Variants in CELF4 observed in about 807,000 individuals in gnomAD.
The protein encoded by CELF4 is CUGBP Elav-like family member 4.
Under a neutral mutation model 59.9 loss-of-function variants are expected in CELF4, and 18 were observed. The ratio of observed to expected loss-of-function variants is 0.30; its 90% CI spans 0.21 to 0.45. CELF4 has a LOEUF of 0.45. CELF4 is among the 20% of genes least tolerant of loss of function. CELF4 has a pLI of 1.00. For synonymous variants in CELF4, 261 were observed against 267.1 expected (o/e 0.98, Z 0.22); for missense variants, 456 against 689.0 (o/e 0.66, Z 3.79).
intron 10 of CELF4, 103 bp downstream of exon 10, chr18:37,264,571 T>C: frequency 3.3e-6 from 3 of 916,886 alleles, no homozygotes; most frequent in Non-Finnish European, 5.1e-6. Context: ...CACACAAACG[T>C]GGTCACCTTT....
At chr18:37,261,633 A>C (rs759032394) in intron 10 of CELF4, among the ~76,000 whole-genome samples, 1 of 152,180 alleles carries the variant, frequency 6.6e-6, no homozygotes, top group Non-Finnish European at 1.5e-5. Flanking sequence ...GACTTTAGAG[A>C]CCAATGTGGT....
At chr18:37,433,995 A>G (rs1043804378) in intron 2 of CELF4, among the ~76,000 whole-genome samples, 9 of 152,200 alleles carry the variant, frequency 5.9e-5, no homozygotes, top group Admixed American at 3.3e-4. Flanking sequence ...GTTTTTAAAC[A>G]GAGAAATCTT....
At position 37,502,983 on chromosome 18, in the gene CELF4, G is replaced by A. The variant is rs551902087; in HGVS notation, c.287-17376C>T. On this transcript the variant is annotated intron_variant, in intron 1 of 12. Coordinates refer to ENST00000420428, the MANE Select transcript of CELF4 (RefSeq NM_020180.4). ...GAAGGATGGGCACTAGAGGGACAGAGCCTCACAGTACCAGGTCGGGTGGGT... is the reference window on the plus strand; with the variant it reads ...GAAGGATGGGCACTAGAGGGACAGAACCTCACAGTACCAGGTCGGGTGGGT... Among the ~76,000 whole-genome samples the A allele has an allele frequency of 2.0e-5, 3 of 152,362 alleles. No homozygotes were observed. In the East Asian group the frequency reaches 5.8e-4, roughly 29 times the overall value.
At chr18:37,257,227 A>C (rs2070374142) in intron 11 of CELF4, among the ~76,000 whole-genome samples, 1 of 152,204 alleles carries the variant, frequency 6.6e-6, no homozygotes, top group Non-Finnish European at 1.5e-5. Flanking sequence ...AAGCCCAGCT[A>C]TGGCTGGAGA....
intron 1 of CELF4, among the ~76,000 whole-genome samples, chr18:37,521,223 C>T (rs2099957039): frequency 6.6e-6 from 1 of 152,274 alleles, no homozygotes; most frequent in Non-Finnish European, 1.5e-5. Context: ...CACTGCTGAT[C>T]TCTGAGGTCC....
intron 2 of CELF4, among the ~76,000 whole-genome samples, chr18:37,417,552 A>T (rs1001511252): frequency 1.8e-4 from 27 of 152,220 alleles, no homozygotes; most frequent in African/African-American, 6.5e-4. Context: ...TCCCTTTGGA[A>T]GCCCGTAGGG....
At position 37,307,592 on chromosome 18, in the gene CELF4, C is replaced by T. The variant is rs566923701; in HGVS notation, c.448+14211G>A. ...CATCGGCCCCACTGCCCACCCCATG[C>T]CTGTGGGCTGGGGGGTGGGGAGACG... On this transcript the variant is annotated intron_variant, in intron 3 of 12. Transcript: ENST00000420428. Among the ~76,000 whole-genome samples, 201 of 152,020 alleles carry T rather than the reference C, an allele frequency of 1.3e-3. No individual in the cohort carries two copies. In the Middle Eastern group the frequency reaches 0.014, roughly 10 times the overall value.
intron 3 of CELF4, among the ~76,000 whole-genome samples, chr18:37,278,844 C>T (rs1010784084): frequency 6.6e-6 from 1 of 152,202 alleles, no homozygotes; most frequent in African/African-American, 2.4e-5. Flanking sequence ...CTGTGGCTGG[C>T]CAGCTGAGAT....
At chr18:37,316,048 C>T (rs539379911) in intron 3 of CELF4, among the ~76,000 whole-genome samples, 9 of 152,300 alleles carry the variant, frequency 5.9e-5, no homozygotes, top group African/African-American at 2.2e-4. Context: ...GTGGTCAGGG[C>T]TGCAGGGCAG....
At position 37,565,499 on chromosome 18, in the gene CELF4, A is replaced by T; in HGVS notation, c.143T>A (p.Met48Lys). The T allele has an allele frequency of 6.2e-7, 1 of 1,614,050 alleles. No individual in the cohort carries two copies. The highest frequency in any genetic ancestry group is 8.5e-7 in the Non-Finnish European group (1 of 1,180,030). The change falls in exon 1 of 13, where the codon ATG (methionine) becomes AAG (lysine). Residue 48 changes from methionine (M) to lysine (K), a missense_variant. By Grantham distance (95) the Met-to-Lys change is moderately conservative (BLOSUM62 -1). Around this residue, in one of 7 missense-constraint regions of CELF4, gnomAD observed 70 missense variants for 69.5 expected, o/e 1.01. Coordinates refer to ENST00000420428, the MANE Select transcript of CELF4 (RefSeq NM_020180.4). Reference protein sequence around the residue: ...HSPGNPSTIPMKDHDAIKLFI... With the variant: ...HSPGNPSTIPKKDHDAIKLFI... ...CAGCTTGATGGCATCGTGGTCCTTC[A>T]TGGGAATGGTCGACGGGTTCCCCGG...
intron 12 of CELF4, among the ~76,000 whole-genome samples, chr18:37,251,899 CACAAGCCAGAAATGGGCAAGGATGGGAA>C (rs1159233822): frequency 1.3e-5 from 2 of 152,140 alleles, no homozygotes; most frequent in South Asian, 2.1e-4. Flanking sequence ...TGCATCTGGA[CACAAGCCAGAAATGGGCAAGGATGGGAA>C]ACAAGCCAGA....
intron 1 of CELF4, among the ~76,000 whole-genome samples, chr18:37,489,254 G>A (rs1039853559): frequency 1.3e-5 from 2 of 152,266 alleles, no homozygotes; most frequent in Non-Finnish European, 2.9e-5. Context: ...ATGCGGATAA[G>A]CAGTTATTAA....
intron 2 of CELF4, among the ~76,000 whole-genome samples, chr18:37,429,006 G>A (rs2099631700): frequency 6.6e-6 from 1 of 152,142 alleles, no homozygotes; most frequent in Non-Finnish European, 1.5e-5. Context: ...AATGTTTGCA[G>A]GGGCCTGAGC....
At chr18:37,319,584 A>G (rs1277079866) in intron 3 of CELF4, among the ~76,000 whole-genome samples, 1 of 152,208 alleles carries the variant, frequency 6.6e-6, no homozygotes, top group Non-Finnish European at 1.5e-5. Context: ...GGGATGAAGG[A>G]GTGTTCTGAG....
At chr18:37,378,039 G>A (rs1422449553) in intron 2 of CELF4, among the ~76,000 whole-genome samples, 1 of 152,140 alleles carries the variant, frequency 6.6e-6, no homozygotes, top group African/African-American at 2.4e-5. Flanking sequence ...TGGGCTTCCA[G>A]GAGCCTCGTG....
chr18:37,478,110 C>G (rs576997513), intron 2 of CELF4, among the ~76,000 whole-genome samples: 95 of 152,278 alleles, frequency 6.2e-4, no homozygotes, highest in African/African-American at 2.1e-3. Flanking sequence ...TGCTCTCCCC[C>G]TCTCCTCTCC....
At chr18:37,453,748 A>G (rs1434103493) in intron 2 of CELF4, among the ~76,000 whole-genome samples, 2 of 152,190 alleles carry the variant, frequency 1.3e-5, no homozygotes, top group African/African-American at 4.8e-5. Flanking sequence ...CCTCAAATGC[A>G]GACTGCAGTC....
At chr18:37,306,143 G>A (rs2096386343) in intron 3 of CELF4, 1 of 152,242 alleles carries the variant, frequency 6.6e-6, no homozygotes, top group South Asian at 2.1e-4. Context: ...GTCCTGGTGG[G>A]GGGCCAGGGC....
At chr18:37,248,020 C>T (rs547870081) in intron 12 of CELF4, among the ~76,000 whole-genome samples, 30 of 152,252 alleles carry the variant, frequency 2.0e-4, no homozygotes, top group Non-Finnish European at 3.4e-4. Context: ...GCTGTGTCCA[C>T]GGGGTCCATC....
Sources: allele counts gnomAD v4.1 joint callset (sites outside exome capture counted in the v4.1 genomes callset), GRCh38; gene constraint gnomAD v4.1.1; regional missense constraint gnomAD v4.1.1; transcripts MANE v1.5; gene names NCBI Gene and HGNC (gene_info 2026-07-23, HGNC 2026-07-21).